The following SDK1 variants were observed in gnomAD, a reference collection of about 807,000 sequenced individuals.
SDK1 encodes the protein protein sidekick-1.
SDK1 carries 157 observed loss-of-function variants against 245.5 expected under a neutral mutation model. The observed-to-expected ratio is 0.64, with a 90% CI of 0.56 to 0.73. The LOEUF is 0.73. Among genes scored for constraint, SDK1 ranks in the 30% least tolerant of loss-of-function variants. The pLI, the probability that SDK1 is intolerant of heterozygous loss-of-function variation, is 0.00. For synonymous variants in SDK1, 1,647 were observed against 1,278.5 expected (o/e 1.29, Z -6.15); for missense variants, 3,583 against 3,002.3 (o/e 1.19, Z -4.52).
intron 1 of SDK1, among the ~76,000 whole-genome samples, chr7:3,482,064 C>A (rs1207785886): frequency 6.6e-6 from 1 of 151,732 alleles, no homozygotes; most frequent in South Asian, 2.1e-4. Flanking sequence ...AAAGGCAAGC[C>A]ATGCAAAAGT....
At position 3,835,252 on chromosome 7, in the gene SDK1, A is replaced by G. The variant is rs1437854353; in HGVS notation, c.847+13669A>G. Among the ~76,000 whole-genome samples, 7 of 152,212 alleles carry G rather than the reference A, an allele frequency of 4.6e-5. No homozygotes were observed. In the East Asian group the frequency reaches 1.3e-3, roughly 29 times the overall value. ...CTGACTTAGTAAGGTGCCCGAAGAT[A>G]GAAGGCGTGTCCACATGCATTTCCT... On this transcript the variant is annotated intron_variant, in intron 5 of 44. Coordinates refer to ENST00000404826, the MANE Select transcript of SDK1 (RefSeq NM_152744.4).
At chr7:3,433,309 G>C (rs1435307557) in intron 1 of SDK1, among the ~76,000 whole-genome samples, 1 of 152,202 alleles carries the variant, frequency 6.6e-6, no homozygotes, top group African/African-American at 2.4e-5. Context: ...CACTTCAAAA[G>C]GTGTGTGTTA....
chr7:4,235,267 G>T (rs1786085669), intron 41 of SDK1, among the ~76,000 whole-genome samples: 1 of 152,020 alleles, frequency 6.6e-6, no homozygotes, highest in Admixed American at 6.6e-5. Context: ...CGGGTTCAAG[G>T]GATTCTCCTG....
chr7:3,309,114 A>G (rs549985368), intron 1 of SDK1, among the ~76,000 whole-genome samples: 2 of 152,256 alleles, frequency 1.3e-5, no homozygotes, highest in African/African-American at 2.4e-5. Flanking sequence ...CACAGGTGGT[A>G]GTATTTGTGA....
chr7:4,133,167 C>T (rs1448132630), intron 28 of SDK1, among the ~76,000 whole-genome samples: 1 of 152,238 alleles, frequency 6.6e-6, no homozygotes, highest in Non-Finnish European at 1.5e-5. Context: ...AGATGAAGCG[C>T]ATGCCCTGGG....
intron 1 of SDK1, among the ~76,000 whole-genome samples, chr7:3,319,876 G>GTTTTTTTTTTTTTTTTTTTTT (rs1562411105): frequency 2.0e-4 from 8 of 40,980 alleles, no homozygotes; most frequent in Non-Finnish European, 2.5e-4. Flanking sequence ...CCCATTCTTA[G>GTTTTTTTTTTTTTTTTTTTTT]TCTTTTTTTT....
chr7:3,650,010 T>C (rs1438028450), intron 4 of SDK1, among the ~76,000 whole-genome samples: 1 of 81,508 alleles, frequency 1.2e-5, no homozygotes, highest in Non-Finnish European at 3.8e-5. Flanking sequence ...CTATTTTTTG[T>C]TTTGAAAAAA....
intron 4 of SDK1, among the ~76,000 whole-genome samples, chr7:3,717,805 A>T (rs1175423792): frequency 6.6e-6 from 1 of 152,190 alleles, no homozygotes; most frequent in African/African-American, 2.4e-5. Context: ...CCTGGCAGAG[A>T]TCATTTGACT....
At chr7:3,735,972 C>T (rs567349945) in intron 4 of SDK1, among the ~76,000 whole-genome samples, 47 of 152,196 alleles carry the variant, frequency 3.1e-4, no homozygotes, top group Admixed American at 1.8e-3. Flanking sequence ...GCTTTTTGCT[C>T]TTTTGTAAAC....
At chr7:3,615,571 C>A (rs1781740330) in intron 1 of SDK1, among the ~76,000 whole-genome samples, 1 of 151,744 alleles carries the variant, frequency 6.6e-6, no homozygotes, top group Non-Finnish European at 1.5e-5. Context: ...CTGTGTCTTA[C>A]ACTTTGTATT....
chr7:3,502,312 G>C (rs10236399), intron 1 of SDK1, among the ~76,000 whole-genome samples: 87,078 of 151,926 alleles, frequency 0.57, 25,372 homozygotes, highest in South Asian at 0.76. Context: ...TGCAGTGGCA[G>C]AATCTCGGCT....
chr7:3,844,266 CT>C (rs1474356550), intron 5 of SDK1, among the ~76,000 whole-genome samples: 1 of 152,348 alleles, frequency 6.6e-6, no homozygotes, highest in African/African-American at 2.4e-5. Context: ...GCCACCGCCC[CT>C]GGCCCAGTTT....
intron 5 of SDK1, among the ~76,000 whole-genome samples, chr7:3,949,490 C>A (rs573746213): frequency 6.6e-6 from 1 of 152,336 alleles, no homozygotes; most frequent in South Asian, 2.1e-4. Context: ...CTTTCAGTTG[C>A]CAGAATCCTC....
At chr7:4,018,210 G>C (rs562411152) in intron 17 of SDK1, among the ~76,000 whole-genome samples, 2 of 152,232 alleles carry the variant, frequency 1.3e-5, no homozygotes, top group Non-Finnish European at 2.9e-5. Context: ...TCACAGGTGT[G>C]ATTTTATTTG....
chr7:3,582,316 C>G (rs578075322), intron 1 of SDK1, among the ~76,000 whole-genome samples: 1 of 149,448 alleles, frequency 6.7e-6, no homozygotes, highest in Non-Finnish European at 1.5e-5. Context: ...TCAGGTAGGT[C>G]TGTCTCAGGT....
At chr7:4,081,011 C>T (rs1194846556) in intron 22 of SDK1, among the ~76,000 whole-genome samples, 1 of 152,220 alleles carries the variant, frequency 6.6e-6, no homozygotes, top group African/African-American at 2.4e-5. Context: ...TAAAATCCAT[C>T]TGCAGAAGTA....
At chr7:3,612,531 A>G (rs959781239) in intron 1 of SDK1, among the ~76,000 whole-genome samples, 1 of 152,180 alleles carries the variant, frequency 6.6e-6, no homozygotes, top group Non-Finnish European at 1.5e-5. Context: ...TCTTCTACCC[A>G]CATTTCTCAG....
chr7:3,692,731 T>C (rs952048620), intron 4 of SDK1, among the ~76,000 whole-genome samples: 1 of 152,114 alleles, frequency 6.6e-6, no homozygotes, highest in African/African-American at 2.4e-5. Flanking sequence ...TATAGAATAT[T>C]TATACTCTTT....
intron 5 of SDK1, among the ~76,000 whole-genome samples, chr7:3,887,161 G>T (rs1781356753): frequency 6.6e-6 from 1 of 152,106 alleles, no homozygotes; most frequent in Admixed American, 6.6e-5. Flanking sequence ...GGTCCATGTG[G>T]GTACTCAGGG....
Sources: gnomAD v4.1 joint callset for allele counts (sites outside exome capture counted in the v4.1 genomes callset) on GRCh38, gnomAD v4.1.1 for gene constraint, MANE v1.5 for transcripts, NCBI Gene and HGNC (gene_info 2026-07-23, HGNC 2026-07-21) for gene names.